The following PTPRM variants were observed in gnomAD, a reference collection of about 807,000 sequenced individuals.
The protein encoded by PTPRM is protein tyrosine phosphatase receptor type M, also known as receptor-type tyrosine-protein phosphatase mu.
Under a neutral mutation model 186.7 loss-of-function variants are expected in PTPRM, and 47 were observed. The observed-to-expected ratio is 0.25, with a 90% CI of 0.20 to 0.32. The LOEUF is 0.32. Ranked by LOEUF, PTPRM falls within the 10% of genes least tolerant of loss-of-function variation. The pLI is 1.00. For missense variants in PTPRM, 1,494 were observed against 1,865.0 expected (o/e 0.80, Z 3.66); for synonymous variants, 668 against 674.9 (o/e 0.99, Z 0.16).
intron 2 of PTPRM, among the ~76,000 whole-genome samples, chr18:7,828,288 G>A (rs575607717): frequency 2.0e-4 from 30 of 150,346 alleles, no homozygotes; most frequent in African/African-American, 7.1e-4. Context: ...AAGTTTTAGG[G>A]TACATGTGCA....
At chr18:8,231,625 TACTC>T (rs1400254698) in intron 14 of PTPRM, among the ~76,000 whole-genome samples, 1 of 152,214 alleles carries the variant, frequency 6.6e-6, no homozygotes, top group East Asian at 1.9e-4. Context: ...AGAAAAGAAA[TACTC>T]AGGAAATAGT....
intron 2 of PTPRM, among the ~76,000 whole-genome samples, chr18:7,856,261 G>A (rs762211292): frequency 2.0e-5 from 3 of 152,068 alleles, no homozygotes; most frequent in Non-Finnish European, 4.4e-5. Flanking sequence ...TGTCTTGATT[G>A]CAAAGATTTA....
intron 1 of PTPRM, among the ~76,000 whole-genome samples, chr18:7,693,510 G>C (rs901848137): frequency 1.3e-5 from 2 of 152,170 alleles, no homozygotes; most frequent in Non-Finnish European, 2.9e-5. Flanking sequence ...TTGGTAACCA[G>C]TAACATATGC....
chr18:8,176,989 C>T (rs537336816), intron 14 of PTPRM, among the ~76,000 whole-genome samples: 1 of 152,070 alleles, frequency 6.6e-6, no homozygotes. Context: ...TTTTTCTGCC[C>T]TTTTAAAAAA....
chr18:8,365,414 T>G (rs1317910352), intron 23 of PTPRM, among the ~76,000 whole-genome samples: 1 of 152,206 alleles, frequency 6.6e-6, no homozygotes, highest in South Asian at 2.1e-4. Flanking sequence ...GCCACAGATG[T>G]CAGAATGCAG....
intron 7 of PTPRM, among the ~76,000 whole-genome samples, chr18:8,065,593 A>C (rs988084424): frequency 6.6e-6 from 1 of 152,158 alleles, no homozygotes; most frequent in Non-Finnish European, 1.5e-5. Flanking sequence ...ATACCCTTTC[A>C]GGGAAGCAGG....
intron 1 of PTPRM, among the ~76,000 whole-genome samples, chr18:7,755,495 G>A (rs1402701523): frequency 6.6e-6 from 1 of 152,202 alleles, no homozygotes; most frequent in Admixed American, 6.5e-5. Context: ...GGCCCATGTG[G>A]AAGAGCAACT....
At chr18:8,224,746 C>T (rs1306250802) in intron 14 of PTPRM, among the ~76,000 whole-genome samples, 1 of 152,128 alleles carries the variant, frequency 6.6e-6, no homozygotes. Flanking sequence ...TTGAATAAAC[C>T]CTTCATCCTG....
At chr18:7,985,000 A>C (rs1271474081) in intron 7 of PTPRM, among the ~76,000 whole-genome samples, 1 of 122,266 alleles carries the variant, frequency 8.2e-6, no homozygotes, top group Admixed American at 9.0e-5. Flanking sequence ...TATACATATA[A>C]TTGTATATAC....
chr18:7,616,516 C>T (rs919127847), intron 1 of PTPRM, among the ~76,000 whole-genome samples: 17 of 152,100 alleles, frequency 1.1e-4, no homozygotes, highest in African/African-American at 4.1e-4. Context: ...GTCTTGGGAT[C>T]ACTCACCCCT....
At chr18:8,312,688 A>G (rs2095278418) in intron 20 of PTPRM, among the ~76,000 whole-genome samples, 1 of 152,110 alleles carries the variant, frequency 6.6e-6, no homozygotes, top group African/African-American at 2.4e-5. Context: ...CACGTGAAGG[A>G]TTCTAACCCA....
At chr18:7,985,125 A>G (rs1240008825) in intron 7 of PTPRM, among the ~76,000 whole-genome samples, 1 of 131,138 alleles carries the variant, frequency 7.6e-6, no homozygotes, top group Non-Finnish European at 1.5e-5. Context: ...GTATATACAC[A>G]TATAAATATA....
At chr18:7,762,122 G>T (rs894342853) in intron 1 of PTPRM, among the ~76,000 whole-genome samples, 12 of 152,228 alleles carry the variant, frequency 7.9e-5, no homozygotes, top group African/African-American at 2.9e-4. Context: ...CAGTGCAATA[G>T]AGAAGACAAG....
chr18:8,003,584 A>C (rs1470084956), intron 7 of PTPRM, among the ~76,000 whole-genome samples: 2 of 152,268 alleles, frequency 1.3e-5, no homozygotes, highest in Non-Finnish European at 2.9e-5. Context: ...TGCTGAATAA[A>C]GTACGGATCA....
chr18:8,148,259 C>T (rs1260470941), intron 14 of PTPRM, among the ~76,000 whole-genome samples: 1 of 151,952 alleles, frequency 6.6e-6, no homozygotes, highest in Non-Finnish European at 1.5e-5. Context: ...TAAAATTCAG[C>T]TGTGAATCCA....
At chr18:7,906,842 A>G (rs922814320) in intron 4 of PTPRM, among the ~76,000 whole-genome samples, 2 of 152,234 alleles carry the variant, frequency 1.3e-5, no homozygotes. Context: ...ACATCTTTGC[A>G]AAGAACCTGT....
chr18:8,042,094 A>G (rs1248789126), intron 7 of PTPRM, among the ~76,000 whole-genome samples: 1 of 152,220 alleles, frequency 6.6e-6, no homozygotes, highest in South Asian at 2.1e-4. Context: ...CTTGTTTTGT[A>G]TCATTCATAT....
chr18:8,088,863 A>AGG lies in PTPRM; in HGVS notation c.1856+14_1856+15dup, dbSNP rs2090568340. On this transcript the variant is annotated intron_variant, in intron 11 of 32. Coordinates refer to ENST00000580170, the MANE Select transcript of PTPRM (RefSeq NM_001105244.2). ...GGAGCACCTGTCAGGTATGGAACAG[A>AGG]GGGTTGGGCCGGCTCTAGATAGAAG... 1 of 1,580,204 alleles carries AGG rather than the reference A, an allele frequency of 6.3e-7. No homozygotes were observed. Among genetic ancestry groups the AGG allele is most frequent in the Non-Finnish European group, 8.7e-7 (1 of 1,149,872 alleles).
chr18:7,791,930 ATT>A (rs2043363465), intron 2 of PTPRM, among the ~76,000 whole-genome samples: 1 of 152,170 alleles, frequency 6.6e-6, no homozygotes, highest in Non-Finnish European at 1.5e-5. Flanking sequence ...TAAGCTTTAT[ATT>A]ATTAAACCAT....
Sources: allele counts gnomAD v4.1 joint callset (sites outside exome capture counted in the v4.1 genomes callset), GRCh38; gene constraint gnomAD v4.1.1; transcripts MANE v1.5; gene names NCBI Gene and HGNC (gene_info 2026-07-23, HGNC 2026-07-21).